Variants in KIAA1217 observed in about 807,000 individuals in gnomAD.
The protein encoded by KIAA1217 is sickle tail protein homolog.
A neutral mutation model predicts 163.9 loss-of-function variants in KIAA1217; 88 were observed. The observed-to-expected ratio is 0.54, with a 90% CI of 0.45 to 0.64. The LOEUF (loss-of-function observed/expected upper bound fraction) is 0.64. Ranked by LOEUF, KIAA1217 falls within the 30% of genes least tolerant of loss-of-function variation. The pLI is 0.00. For synonymous variants in KIAA1217, 903 were observed against 923.1 expected, an observed-to-expected ratio of 0.98 and a Z score of 0.39; for missense variants, 2,372 against 2,475.0, an observed-to-expected ratio of 0.96 and a Z score of 0.88.
At chr10:24,002,802 C>G (rs889714594) in intron 1 of KIAA1217, among the ~76,000 whole-genome samples, 3 of 152,120 alleles carry the variant, frequency 2.0e-5, no homozygotes, top group South Asian at 2.1e-4. Flanking sequence ...CCTCACCCCC[C>G]TCACACCCTT....
rs1423962037 is a variant in KIAA1217, at chr10:24,234,658, A to G, written c.354+14749A>G. ...TGGGTGACAGAGCAAAACTGTCTCA[A>G]AAAAAAAAAAAAAAAAAAAAAGAAA... On this transcript the variant is annotated intron_variant, in intron 2 of 20. Coordinates refer to ENST00000376454, the MANE Select transcript of KIAA1217 (RefSeq NM_019590.5). 1.3e-4 allele frequency among the ~76,000 whole-genome samples: 18 copies of G among 137,656 alleles called. No individual in the cohort carries two copies. In the South Asian group the frequency reaches 2.0e-3, roughly 16 times the overall value. The allele number at this position is 137,656 out of a possible 152,430, so 90.3% of individuals were successfully genotyped here.
At chr10:24,361,729 C>A (rs942220507) in intron 2 of KIAA1217, among the ~76,000 whole-genome samples, 3 of 151,580 alleles carry the variant, frequency 2.0e-5, no homozygotes, top group Non-Finnish European at 4.4e-5. Flanking sequence ...TAATCCCAGC[C>A]CTTTGGGAGG....
chr10:24,157,906 A>G (rs987924085), intron 2 of KIAA1217: 9 of 671,950 alleles, frequency 1.3e-5, no homozygotes, highest in Middle Eastern at 3.4e-4. Context: ...CTTCATCTCC[A>G]AAGCCAGGAG....
chr10:24,062,835 T>C (rs1304564949), intron 2 of KIAA1217, among the ~76,000 whole-genome samples: 2 of 152,130 alleles, frequency 1.3e-5, no homozygotes, highest in Non-Finnish European at 2.9e-5. Flanking sequence ...ACCATTCTAA[T>C]TGGTGTGAGA....
Position 24,329,070 on chromosome 10 carries a change from T to C in KIAA1217, c.355-51799T>C, listed in dbSNP as rs2045322227. On this transcript the variant is annotated intron_variant, in intron 2 of 20. Coordinates refer to ENST00000376454, the MANE Select transcript of KIAA1217 (RefSeq NM_019590.5). ...GTATATAAATAGTATAAATATATAG[T>C]ATATAAATAGTATAAATATATACTA... Among the ~76,000 whole-genome samples, 3 of 148,104 alleles carry C rather than the reference T, an allele frequency of 2.0e-5. No individual in the cohort carries two copies. The Admixed American group carries it at 2.0e-4, about 10-fold the overall frequency.
At chr10:24,230,513 T>C (rs914881100) in intron 2 of KIAA1217, among the ~76,000 whole-genome samples, 1 of 142,090 alleles carries the variant, frequency 7.0e-6, no homozygotes, top group Non-Finnish European at 1.5e-5. Context: ...TTTTTTTTTT[T>C]TTTTTTTTTT....
At chr10:24,070,535 A>C (rs1209978861) in intron 2 of KIAA1217, among the ~76,000 whole-genome samples, 1 of 152,252 alleles carries the variant, frequency 6.6e-6, no homozygotes, top group African/African-American at 2.4e-5. Flanking sequence ...ATAATTCATT[A>C]ATATATAATC....
At chr10:23,844,137 A>G (rs1330790613) in intron 1 of KIAA1217, among the ~76,000 whole-genome samples, 4 of 152,116 alleles carry the variant, frequency 2.6e-5, no homozygotes, top group South Asian at 2.1e-4. Context: ...CCTCATTTCC[A>G]CTTATAAAGG....
chr10:24,203,856 C>G (rs976524340), upstream of KIAA1217, among the ~76,000 whole-genome samples: 3 of 152,172 alleles, frequency 2.0e-5, no homozygotes, highest in Non-Finnish European at 4.4e-5. Flanking sequence ...TATAAGTTGC[C>G]ACCTGGAATC....
At chr10:23,699,136 T>G (rs2130696608) in intron 1 of KIAA1217, among the ~76,000 whole-genome samples, 1 of 152,292 alleles carries the variant, frequency 6.6e-6, no homozygotes, top group East Asian at 1.9e-4. Context: ...CTTTCACTGC[T>G]CCTTCTGCCT....
intron 2 of KIAA1217, among the ~76,000 whole-genome samples, chr10:24,096,745 C>A (rs981280429): frequency 6.6e-6 from 1 of 152,156 alleles, no homozygotes; most frequent in Non-Finnish European, 1.5e-5. Flanking sequence ...AGCTGAAATG[C>A]CACTTCTGCC....
At chr10:24,314,931 G>A (rs990754776) in intron 2 of KIAA1217, among the ~76,000 whole-genome samples, 3 of 151,966 alleles carry the variant, frequency 2.0e-5, no homozygotes, top group Non-Finnish European at 4.4e-5. Context: ...GCGACAGAGC[G>A]AGACTGTCTC....
intron 13 of KIAA1217, among the ~76,000 whole-genome samples, chr10:24,525,263 A>T (rs1430212149): frequency 6.6e-6 from 1 of 152,148 alleles, no homozygotes; most frequent in African/African-American, 2.4e-5. Flanking sequence ...CACTCCACTG[A>T]GGTGAAGGCA....
Position 23,794,793 on chromosome 10 carries a change from G to A in KIAA1217, c.-321+99559G>A, listed in dbSNP as rs767478560. On this transcript the variant is annotated intron_variant, in intron 1 of 18. Coordinates refer to the KIAA1217 transcript ENST00000376462. ...TGTCTGATGATTTTAACGTGTATAC[G>A]TGTGTTTCTTTTGGTGGTAAATATA... 4.1e-4 allele frequency among the ~76,000 whole-genome samples: 63 copies of A among 152,312 alleles called. 1 individual carries two copies. Among genetic ancestry groups the A allele is most frequent in the Non-Finnish European group, 6.0e-4 (41 of 68,030 alleles).
At chr10:24,113,717 T>C (rs557171224) in intron 2 of KIAA1217, among the ~76,000 whole-genome samples, 81 of 152,280 alleles carry the variant, frequency 5.3e-4, no homozygotes, top group African/African-American at 1.9e-3. Flanking sequence ...AGATGTCCAC[T>C]CTTGTATCTC....
intron 4 of KIAA1217, among the ~76,000 whole-genome samples, chr10:24,437,125 C>A (rs974571454): frequency 6.6e-6 from 1 of 152,168 alleles, no homozygotes; most frequent in South Asian, 2.1e-4. Context: ...TTTTTCATGG[C>A]TCCCGTGAGG....
At chr10:23,857,924 A>G (rs1839774606) in intron 1 of KIAA1217, among the ~76,000 whole-genome samples, 1 of 151,826 alleles carries the variant, frequency 6.6e-6, no homozygotes, top group South Asian at 2.1e-4. Context: ...ATTAAGTTAT[A>G]TGTCAAAAAC....
At chr10:23,926,770 A>AT (rs202239481) in intron 1 of KIAA1217, among the ~76,000 whole-genome samples, 1,585 of 126,754 alleles carry the variant, frequency 0.013, 25 homozygotes, top group African/African-American at 0.048. Flanking sequence ...AAGTGCCTGG[A>AT]AAATTGTTAC....
chr10:24,545,219 C>A (rs2075600499), intron 20 of KIAA1217, 116 bp downstream of exon 20: 5 of 1,496,712 alleles, frequency 3.3e-6, no homozygotes, highest in Non-Finnish European at 3.6e-6. Context: ...ACATAGACAT[C>A]CTGGATCTGG....
Sources: gnomAD v4.1 joint callset for allele counts (sites outside exome capture counted in the v4.1 genomes callset) on GRCh38, gnomAD v4.1.1 for gene constraint, MANE v1.5 for transcripts, NCBI Gene and HGNC (gene_info 2026-07-23, HGNC 2026-07-21) for gene names.